The following CFAP70 variants were observed in gnomAD, a reference collection of about 807,000 sequenced individuals.
The protein encoded by CFAP70 is cilia- and flagella-associated protein 70.
Under a neutral mutation model 137.6 loss-of-function variants are expected in CFAP70, and 81 were observed. The ratio of observed to expected loss-of-function variants is 0.59; its 90% CI spans 0.49 to 0.71. The LOEUF is 0.71. CFAP70 is among the 30% of genes least tolerant of loss of function. CFAP70 has a pLI of 0.00. For synonymous variants in CFAP70, 382 were observed against 423.6 expected, an observed-to-expected ratio of 0.90 and a Z score of 1.20; for missense variants, 976 against 1,226.7, an observed-to-expected ratio of 0.80 and a Z score of 3.05.
intron 25 of CFAP70, among the ~76,000 whole-genome samples, chr10:73,260,520 T>C (rs963617392): frequency 1.3e-5 from 2 of 152,148 alleles, no homozygotes; most frequent in Non-Finnish European, 2.9e-5. Flanking sequence ...TATTAAGGCA[T>C]AACTTACATA....
chr10:73,282,394 C>T lies in CFAP70; in HGVS notation c.2240-4057G>A, dbSNP rs1290072319. 3.3e-5 allele frequency among the ~76,000 whole-genome samples: 5 copies of T among 152,244 alleles called. No individual in the cohort carries two copies. The East Asian group carries it at 9.6e-4, about 29-fold the overall frequency. On this transcript the variant is annotated intron_variant, in intron 19 of 26. Transcript: ENST00000310715. Reference sequence around the variant, plus strand: ...ACACACACAAAAAAAAAAACTATGCCAATATCATAGTCCCAGGCGGGCCAC... The same window carrying T: ...ACACACACAAAAAAAAAAACTATGCTAATATCATAGTCCCAGGCGGGCCAC...
At chr10:73,305,769 G>A (rs958771765) in intron 12 of CFAP70, among the ~76,000 whole-genome samples, 4 of 152,090 alleles carry the variant, frequency 2.6e-5, no homozygotes, top group South Asian at 2.1e-4. Context: ...AGTTTTCAAC[G>A]ATGATAAAAT....
chr10:73,351,019 A>G (rs868059613), intron 3 of CFAP70, among the ~76,000 whole-genome samples: 15 of 136,294 alleles, frequency 1.1e-4, no homozygotes, highest in African/African-American at 3.1e-4. Context: ...ATGTGTGTGT[A>G]TATATATGTG....
upstream of CFAP70, among the ~76,000 whole-genome samples, chr10:73,360,725 AT>A (rs1424628958): frequency 6.6e-6 from 1 of 152,028 alleles, no homozygotes; most frequent in Non-Finnish European, 1.5e-5. Context: ...TTCTCTCTGG[AT>A]TTTTTTTCCC....
upstream of CFAP70, among the ~76,000 whole-genome samples, chr10:73,361,415 C>A (rs2055004849): frequency 6.6e-6 from 1 of 151,542 alleles, no homozygotes; most frequent in Admixed American, 6.6e-5. Flanking sequence ...ACCTCAGCCT[C>A]CCGTGTGTGT....
intron 12 of CFAP70, 140 bp downstream of exon 13, chr10:73,310,018 C>G: frequency 1.9e-6 from 1 of 529,792 alleles, no homozygotes; most frequent in South Asian, 2.9e-5. Flanking sequence ...AAAATAACAA[C>G]AACAACAAAA....
intron 25 of CFAP70, among the ~76,000 whole-genome samples, chr10:73,265,649 G>A (rs2045684328): frequency 6.6e-6 from 1 of 152,146 alleles, no homozygotes; most frequent in South Asian, 2.1e-4. Flanking sequence ...ATTGCTAGAG[G>A]AAGCGCATCA....
At chr10:73,284,493 C>T (rs1452982102) in intron 19 of CFAP70, among the ~76,000 whole-genome samples, 3 of 151,714 alleles carry the variant, frequency 2.0e-5, no homozygotes, top group Admixed American at 6.6e-5. Flanking sequence ...TTTAGCCTAC[C>T]ATAGTATTTA....
intron 24 of CFAP70, among the ~76,000 whole-genome samples, chr10:73,270,439 T>TC (rs2046168173): frequency 1.1e-5 from 1 of 91,156 alleles, no homozygotes; most frequent in Non-Finnish European, 2.0e-5. Flanking sequence ...CTCTCTCCTC[T>TC]CCCCTCCCCT....
chr10:73,332,260 C>T (rs1032594487), intron 7 of CFAP70, among the ~76,000 whole-genome samples: 17 of 152,170 alleles, frequency 1.1e-4, no homozygotes, highest in Non-Finnish European at 2.5e-4. Context: ...AGGGTCCCCA[C>T]ACTTACATAA....
intron 4 of CFAP70, among the ~76,000 whole-genome samples, chr10:73,347,890 G>A (rs2053853428): frequency 6.6e-6 from 1 of 152,144 alleles, no homozygotes; most frequent in South Asian, 2.1e-4. Flanking sequence ...CTCTACCTGC[G>A]GACAAAGTAA....
At chr10:73,267,017 T>A (rs1173449334) in intron 25 of CFAP70, among the ~76,000 whole-genome samples, 1 of 152,230 alleles carries the variant, frequency 6.6e-6, no homozygotes, top group African/African-American at 2.4e-5. Context: ...AGGCTATAAA[T>A]TACCCTCTAT....
chr10:73,254,542 C>A (rs2044277900), intron 26 of CFAP70, among the ~76,000 whole-genome samples: 1 of 152,134 alleles, frequency 6.6e-6, no homozygotes, highest in Non-Finnish European at 1.5e-5. Flanking sequence ...ATCTTAATTT[C>A]TTTTCAAGGC....
chr10:73,291,139 C>T, intron 19 of CFAP70, 87 bp downstream of exon 20: 1 of 1,191,318 alleles, frequency 8.4e-7, no homozygotes, highest in Non-Finnish European at 1.2e-6. Context: ...CTCAGCCTCC[C>T]AGGTTGCTAG....
intron 19 of CFAP70, among the ~76,000 whole-genome samples, chr10:73,289,676 T>C (rs758383037): frequency 2.0e-4 from 31 of 152,106 alleles, no homozygotes; most frequent in Non-Finnish European, 3.2e-4. Context: ...TCAAGACTTA[T>C]CAAGAGAAAA....
At chr10:73,287,433 A>C (rs2047815764) in intron 19 of CFAP70, among the ~76,000 whole-genome samples, 1 of 152,232 alleles carries the variant, frequency 6.6e-6, no homozygotes, top group Non-Finnish European at 1.5e-5. Flanking sequence ...ACATGACCAC[A>C]TTTTTATGTG....
At chr10:73,266,197 C>G (rs977849279) in intron 25 of CFAP70, among the ~76,000 whole-genome samples, 2 of 152,006 alleles carry the variant, frequency 1.3e-5, no homozygotes, top group African/African-American at 4.8e-5. Context: ...CAACTTTGTC[C>G]ATCCACTTCT....
At chr10:73,290,590 AC>A (rs2048104621) in intron 19 of CFAP70, among the ~76,000 whole-genome samples, 1 of 152,228 alleles carries the variant, frequency 6.6e-6, no homozygotes, top group African/African-American at 2.4e-5. Context: ...ATGTAGGCAC[AC>A]AAAATAATAA....
chr10:73,312,680 A>C (rs373845099), intron 9 of CFAP70, 37 bp from the exon 11 acceptor site: 4 of 1,501,014 alleles, frequency 2.7e-6, no homozygotes, highest in Non-Finnish European at 8.9e-7. Flanking sequence ...AAAGCAATAC[A>C]TGAGACAAAC....
Sources: allele counts gnomAD v4.1 joint callset (sites outside exome capture counted in the v4.1 genomes callset), GRCh38; gene constraint gnomAD v4.1.1; transcripts MANE v1.5; gene names NCBI Gene and HGNC (gene_info 2026-07-23, HGNC 2026-07-21).